Variants in ASCC2 observed in about 807,000 individuals in gnomAD.
The protein encoded by ASCC2 is activating signal cointegrator 1 complex subunit 2, also known as ASC-1 complex subunit P100.
Under a neutral mutation model 93.5 loss-of-function variants are expected in ASCC2, and 42 were observed. The ratio of observed to expected loss-of-function variants is 0.45; its 90% confidence interval spans 0.35 to 0.58. The LOEUF (loss-of-function observed/expected upper bound fraction) is 0.58. ASCC2 is among the 20% of genes least tolerant of loss of function. The pLI, the probability that ASCC2 is intolerant of heterozygous loss-of-function variation, is 0.00. For missense variants in ASCC2, 859 were observed against 977.6 expected (o/e 0.88, Z 1.62); for synonymous variants, 364 against 384.2 (o/e 0.95, Z 0.62).
rs552462967 is a variant in ASCC2 at position 29,825,394 on chromosome 22, G to A, written c.241-137C>T. On this transcript the variant is annotated intron_variant, in intron 3 of 19. Coordinates refer to ENST00000307790, the MANE Select transcript of ASCC2 (RefSeq NM_032204.5). The surrounding 1 kb of genome is among the most constrained non-coding windows in gnomAD (Gnocchi z 4.9). ...CGACCCCAAGGGACCAAGGAGGTAT[G>A]AATGAGCCAAGGGCTAAACACAAGA... The A allele has an allele frequency of 7.3e-6, 9 of 1,233,658 alleles. No individual in the cohort carries two copies. The African/African-American group carries it at 1.1e-4, about 15-fold the overall frequency. 76.4% of individuals were successfully genotyped at this position (1,233,658 alleles called of 1,614,324 possible).
rs748832932 is a variant in ASCC2 at position 29,824,907 on chromosome 22, C to G, written c.411+180G>C. ...AAATACTGGGTGTAACACAGACCAA[C>G]CCAGTGAATTAGAGGATAAGGGACG... On this transcript the variant is annotated intron_variant, in intron 4 of 19. Coordinates refer to ENST00000307790, the MANE Select transcript of ASCC2 (RefSeq NM_032204.5). Among the ~76,000 whole-genome samples the G allele has an allele frequency of 2.2e-4, 33 of 152,148 alleles. 1 individual carries two copies. Among genetic ancestry groups the G allele is most frequent in the South Asian group, 4.1e-4 (2 of 4,826 alleles).
At chr22:29,830,477 G>A (rs2062992249) in intron 2 of ASCC2, among the ~76,000 whole-genome samples, 1 of 152,144 alleles carries the variant, frequency 6.6e-6, no homozygotes, top group Admixed American at 6.5e-5. Context: ...TTCTCCTGTT[G>A]CTCTGCCCAG....
chr22:29,816,081 G>C lies in ASCC2; in HGVS notation c.542-8C>G, dbSNP rs374135079. On this transcript the variant is annotated splice_polypyrimidine_tract_variant and splice_region_variant and intron_variant, in intron 5 of 19. Coordinates refer to ENST00000307790, the MANE Select transcript of ASCC2 (RefSeq NM_032204.5). ...GCTGTGTAAAGATGTTTCCTAAAAA[G>C]AGAAGAGAAAGGTTGGAATTGAGAA... 3.2e-6 allele frequency: 5 copies of C among 1,586,724 alleles called. No homozygotes were observed. The highest frequency in any genetic ancestry group is 4.3e-6 in the Non-Finnish European group (5 of 1,164,718).
intron 5 of ASCC2, among the ~76,000 whole-genome samples, chr22:29,821,534 G>A (rs755049801): frequency 2.0e-5 from 3 of 152,230 alleles, no homozygotes; most frequent in Non-Finnish European, 4.4e-5. Flanking sequence ...TCACAGGGCT[G>A]CTGTGAGGAT....
At chr22:29,824,969 T>C (rs2062110397) in intron 4 of ASCC2, 118 bp downstream of exon 4, 5 of 1,014,736 alleles carry the variant, frequency 4.9e-6, no homozygotes, top group Non-Finnish European at 6.8e-6. Flanking sequence ...GGAATAAAGA[T>C]GGAAGAGAGA....
At chr22:29,801,203 T>G in intron 14 of ASCC2, 93 bp from the exon 15 acceptor site, 1 of 1,452,822 alleles carries the variant, frequency 6.9e-7, no homozygotes, top group Non-Finnish European at 9.2e-7. Context: ...ATCCATCGGA[T>G]TTTTCAGTTC....
chr22:29,806,152 G>T, intron 12 of ASCC2, 64 bp downstream of exon 12: 1 of 1,546,650 alleles, frequency 6.5e-7, no homozygotes, highest in African/African-American at 1.4e-5. Flanking sequence ...GGTTCCAGCA[G>T]CCTGTCTCAC....
chr22:29,804,118 G>A (rs112738610), intron 13 of ASCC2, among the ~76,000 whole-genome samples: 7 of 152,358 alleles, frequency 4.6e-5, no homozygotes, highest in African/African-American at 1.4e-4. Context: ...CCAACATGCA[G>A]GGGAGAGTCC....
At position 29,801,068 on chromosome 22, in the gene ASCC2, G is replaced by A. The variant is rs577233142; in HGVS notation, c.1611C>T (p.His537=). The change falls in exon 15 of 20, where the codon CAC becomes CAT. Residue 537 remains histidine (H), a synonymous_variant. Transcript: ENST00000307790. ...CAAACTCGTCATTCTGGAAGACGTT[G>A]TGGCGAGACGTCAGCAGGGGTGTAG... ...PDPTPLLTSR[H]NVFQNDEFDV... 2.3e-5 allele frequency: 37 copies of A among 1,608,978 alleles called. No individual in the cohort carries two copies. Among genetic ancestry groups the A allele is most frequent in the Non-Finnish European group, 3.1e-5 (36 of 1,175,924 alleles).
At position 29,832,370 on chromosome 22, in the gene ASCC2, G is replaced by A. The variant is rs374886228; in HGVS notation, c.-17-28C>T. 4 of 1,554,346 alleles carry A rather than the reference G, an allele frequency of 2.6e-6. No homozygotes were observed. In the East Asian group the frequency reaches 6.7e-5, roughly 26 times the overall value. ...GAAAGGAATATGGATGGGAAGAAGA[G>A]AGCAGACACACAGACTCCTGGGGGC... On this transcript the variant is annotated intron_variant, in intron 1 of 19. Transcript: ENST00000307790.
In ASCC2 at chr22:29,804,738, G is replaced by A. The variant is rs930768479; in HGVS notation, c.1253C>T (p.Ser418Leu). The stretch of plus-strand genomic sequence containing the variant: ...CTCCCCATTAGGCTCCTCAATCACC[G>A]ATGGGTCTTTAGCATCTGTGGCTTT... ...RRKATDAKDP[S>L]VIEEPNGEPN... Residue 418 changes from serine (S) to leucine (L), a missense_variant, in exon 13 of 20, where the codon TCG (serine) becomes TTG (leucine). Transcript: ENST00000307790. 1.5e-5 allele frequency: 25 copies of A among 1,613,956 alleles called. No homozygotes were observed. Among genetic ancestry groups the A allele is most frequent in the Admixed American group, 3.3e-5 (2 of 59,998 alleles).
intron 2 of ASCC2, among the ~76,000 whole-genome samples, chr22:29,830,703 C>G (rs2063032733): frequency 6.6e-6 from 1 of 152,230 alleles, no homozygotes; most frequent in South Asian, 2.1e-4. Flanking sequence ...GTCTGTCTTT[C>G]TCTTAGGTCG....
intron 12 of ASCC2, among the ~76,000 whole-genome samples, chr22:29,805,425 A>G (rs2059558855): frequency 6.7e-6 from 1 of 149,094 alleles, no homozygotes; most frequent in South Asian, 2.2e-4. Context: ...CAGCCTCCTC[A>G]CTGGCCCGAG....
intron 1 of ASCC2, chr22:29,833,987 G>A (rs1016760449): frequency 4.0e-5 from 7 of 173,212 alleles, no homozygotes; most frequent in South Asian, 1.2e-4. Context: ...AAAGTGCTGG[G>A]ATTATAGGTG....
intron 5 of ASCC2, among the ~76,000 whole-genome samples, chr22:29,820,431 G>C (rs529048557): frequency 7.9e-5 from 12 of 151,892 alleles, no homozygotes; most frequent in African/African-American, 2.7e-4. Flanking sequence ...CAAAGTGCTG[G>C]GGTTACAGGC....
At chr22:29,797,523 A>G (rs2058583061) in intron 15 of ASCC2, among the ~76,000 whole-genome samples, 1 of 152,182 alleles carries the variant, frequency 6.6e-6, no homozygotes, top group South Asian at 2.1e-4. Context: ...CTGCTTTGCC[A>G]CTTCCTGGGC....
chr22:29,796,400 T>C (rs1345193562), intron 15 of ASCC2, among the ~76,000 whole-genome samples: 1 of 152,048 alleles, frequency 6.6e-6, no homozygotes, highest in African/African-American at 2.4e-5. Context: ...GAACTCAGTG[T>C]AGTGGAGATG....
At chr22:29,822,680 T>A (rs2061712579) in intron 4 of ASCC2, among the ~76,000 whole-genome samples, 1 of 146,530 alleles carries the variant, frequency 6.8e-6, no homozygotes, top group Admixed American at 6.9e-5. Flanking sequence ...AGACTAAACA[T>A]CCCCATGACT....
intron 15 of ASCC2, chr22:29,799,229 G>C (rs2058792470): frequency 1.3e-5 from 2 of 152,260 alleles, no homozygotes; most frequent in African/African-American, 4.8e-5. Context: ...AGGGGGCCAG[G>C]CTTCTCGCCA....
Sources: allele counts gnomAD v4.1 joint callset (sites outside exome capture counted in the v4.1 genomes callset), GRCh38; gene constraint gnomAD v4.1.1; non-coding constraint Gnocchi (gnomAD v3.1); transcripts MANE v1.5; gene names NCBI Gene and HGNC (gene_info 2026-07-23, HGNC 2026-07-21).